Variants in TENM2 observed in about 807,000 individuals in gnomAD.
TENM2 encodes the protein teneurin-2.
In TENM2, 52 loss-of-function variants were observed where a neutral mutation model predicts 245.2. That is an observed-to-expected ratio of 0.21 (90% CI 0.17 to 0.27). The LOEUF (loss-of-function observed/expected upper bound fraction) is 0.27, where lower values mean the gene tolerates loss of function less well. Among genes scored for constraint, TENM2 ranks in the 10% least tolerant of loss-of-function variants. TENM2 has a pLI of 1.00. For missense variants in TENM2, 3,046 were observed against 3,666.8 expected (o/e 0.83, Z 4.37); for synonymous variants, 1,363 against 1,438.9 (o/e 0.95, Z 1.19).
chr5:167,791,616 G>A (rs1176455133), intron 2 of TENM2, among the ~76,000 whole-genome samples: 2 of 150,094 alleles, frequency 1.3e-5, no homozygotes, highest in East Asian at 3.9e-4. Flanking sequence ...AAAACAATTG[G>A]AACCCTAAGT....
chr5:168,246,962 A>G, exon 27 of TENM2: 1 of 1,614,038 alleles, frequency 6.2e-7, no homozygotes, highest in South Asian at 1.1e-5. Context: ...CGCATCCTGA[A>G]GACCTCCTTT....
At chr5:167,096,998 T>TTACA in the TENM2 span, among the ~76,000 whole-genome samples, 1 of 152,152 alleles carries the variant, frequency 6.6e-6, no homozygotes, top group Non-Finnish European at 1.5e-5. Context: ...TCATGAAGCC[T>TTACA]TACACACTCC....
chr5:167,296,799 C>T (rs908404196), intron 1 of TENM2, among the ~76,000 whole-genome samples: 1 of 152,244 alleles, frequency 6.6e-6, no homozygotes, highest in African/African-American at 2.4e-5. Context: ...AGAGCTGACC[C>T]AGTTAACACT....
At chr5:167,751,543 G>C (rs1395808968) in intron 2 of TENM2, among the ~76,000 whole-genome samples, 1 of 152,156 alleles carries the variant, frequency 6.6e-6, no homozygotes, top group East Asian at 1.9e-4. Flanking sequence ...GTGAGAAAGA[G>C]AGAGGTCACT....
At chr5:167,700,415 T>C (rs1018226925) in intron 2 of TENM2, among the ~76,000 whole-genome samples, 4 of 152,178 alleles carry the variant, frequency 2.6e-5, no homozygotes, top group Non-Finnish European at 4.4e-5. Context: ...GTTCAGGTTG[T>C]ACACTGCAGA....
the TENM2 span, among the ~76,000 whole-genome samples, chr5:167,014,879 G>A: frequency 6.6e-6 from 1 of 152,182 alleles, no homozygotes; most frequent in Admixed American, 6.5e-5. Flanking sequence ...AATTCAGAAA[G>A]CTTCTGCTGT....
At chr5:167,590,967 C>T (rs1446109658) in intron 2 of TENM2, among the ~76,000 whole-genome samples, 1 of 152,182 alleles carries the variant, frequency 6.6e-6, no homozygotes, top group Non-Finnish European at 1.5e-5. Flanking sequence ...ATTCATCTAT[C>T]ATGGGCCAAG....
At chr5:167,162,721 A>C in the TENM2 span, among the ~76,000 whole-genome samples, 1 of 152,294 alleles carries the variant, frequency 6.6e-6, no homozygotes, top group African/African-American at 2.4e-5. Flanking sequence ...AATTGAAATA[A>C]AGAAAAGTTT....
intron 2 of TENM2, among the ~76,000 whole-genome samples, chr5:167,397,825 A>C (rs1181489756): frequency 6.6e-6 from 1 of 152,186 alleles, no homozygotes; most frequent in African/African-American, 2.4e-5. Context: ...TCTCTAAAAC[A>C]TGTCTCAGAA....
At chr5:167,934,850 C>T (rs576770702) in intron 3 of TENM2, 53 of 985,462 alleles carry the variant, frequency 5.4e-5, no homozygotes, top group East Asian at 3.4e-4. Flanking sequence ...ACCAGTGCAA[C>T]GGAGGAGGCT....
At chr5:168,115,427 A>AAG (rs1795006935) in intron 9 of TENM2, among the ~76,000 whole-genome samples, 3 of 113,742 alleles carry the variant, frequency 2.6e-5, no homozygotes, top group African/African-American at 9.9e-5. Flanking sequence ...AAGGAAGGAA[A>AAG]GAAAAAAAAA....
At chr5:168,083,260 G>A (rs1444298198) in intron 7 of TENM2, among the ~76,000 whole-genome samples, 1 of 152,234 alleles carries the variant, frequency 6.6e-6, no homozygotes, top group Non-Finnish European at 1.5e-5. Flanking sequence ...CCATGTGCAG[G>A]ATATAATCTC....
the TENM2 span, among the ~76,000 whole-genome samples, chr5:167,102,451 C>G: frequency 6.6e-6 from 1 of 152,070 alleles, no homozygotes; most frequent in Non-Finnish European, 1.5e-5. Context: ...AGTACTCTTC[C>G]CATTTGGTAG....
chr5:167,006,890 C>T, the TENM2 span, among the ~76,000 whole-genome samples: 1 of 152,146 alleles, frequency 6.6e-6, no homozygotes, highest in African/African-American at 2.4e-5. Flanking sequence ...TGGTCTTGAA[C>T]TCCCGACCTC....
At chr5:167,110,658 C>A in the TENM2 span, among the ~76,000 whole-genome samples, 42 of 152,322 alleles carry the variant, frequency 2.8e-4, 1 homozygote, top group Admixed American at 2.2e-3. Context: ...GACTCCATGT[C>A]TGCCACTCAC....
chr5:167,214,797 G>A, the TENM2 span, among the ~76,000 whole-genome samples: 2 of 152,294 alleles, frequency 1.3e-5, no homozygotes, highest in African/African-American at 4.8e-5. Context: ...TGACTTAGCA[G>A]CAGACAGATT....
the TENM2 span, among the ~76,000 whole-genome samples, chr5:167,216,143 C>T: frequency 0.034 from 5,163 of 150,640 alleles, 289 homozygotes; most frequent in African/African-American, 0.12. Flanking sequence ...ATGTCATACA[C>T]CTAGTAAAGG....
Position 167,390,542 on chromosome 5 carries a change from C to T in TENM2, c.502+15069C>T, listed in dbSNP as rs1761687881. On this transcript the variant is annotated intron_variant, in intron 2 of 28. Coordinates refer to ENST00000518659, the Ensembl canonical transcript of TENM2. The stretch of plus-strand genomic sequence containing the variant: ...GTGGTGGCCCTGCTATTGGTATTTT[C>T]ACAAAATAGGTAGTTCTGCAGGCAA... 3.3e-5 allele frequency among the ~76,000 whole-genome samples: 5 copies of T among 152,210 alleles called. No homozygotes were observed. In the South Asian group the frequency reaches 8.3e-4, roughly 25 times the overall value.
intron 2 of TENM2, among the ~76,000 whole-genome samples, chr5:167,388,374 AT>A (rs1464810574): frequency 6.6e-6 from 1 of 151,964 alleles, no homozygotes; most frequent in African/African-American, 2.4e-5. Context: ...TTCATTTCTT[AT>A]TGAACTTATT....
Sources: allele counts gnomAD v4.1 joint callset (sites outside exome capture counted in the v4.1 genomes callset), GRCh38; gene constraint gnomAD v4.1.1; transcripts MANE v1.5; gene names NCBI Gene and HGNC (gene_info 2026-07-23, HGNC 2026-07-21).